Variants in AOAH observed in about 807,000 individuals in gnomAD.
The protein encoded by AOAH is acyloxyacyl hydrolase.
Under a neutral mutation model 92.2 loss-of-function variants are expected in AOAH, and 64 were observed. The observed-to-expected ratio is 0.69, with a 90% CI of 0.57 to 0.86. AOAH has a LOEUF of 0.86. Ranked by LOEUF, AOAH falls within the 40% of genes least tolerant of loss-of-function variation. The pLI is 0.00. For missense variants in AOAH, 656 were observed against 694.6 expected, an observed-to-expected ratio of 0.94 and a Z score of 0.62; for synonymous variants, 263 against 254.5, an observed-to-expected ratio of 1.03 and a Z score of -0.32.
At chr7:36,563,511 G>A (rs368795991) in intron 13 of AOAH, among the ~76,000 whole-genome samples, 42 of 152,268 alleles carry the variant, frequency 2.8e-4, no homozygotes, top group African/African-American at 1.0e-3. Context: ...AATTTCCAGA[G>A]TGCTCCAGCT....
At chr7:36,548,008 T>TA (rs957609129) in intron 15 of AOAH, among the ~76,000 whole-genome samples, 40 of 152,182 alleles carry the variant, frequency 2.6e-4, no homozygotes, top group Middle Eastern at 3.4e-3. Flanking sequence ...CTTATTTTAT[T>TA]AAAAAAAATC....
At chr7:36,524,658 AG>A (rs1425095314) in intron 19 of AOAH, among the ~76,000 whole-genome samples, 1 of 152,046 alleles carries the variant, frequency 6.6e-6, no homozygotes, top group Non-Finnish European at 1.5e-5. Context: ...CCCGGGAGAC[AG>A]TGTGAGACTC....
intron 12 of AOAH, among the ~76,000 whole-genome samples, chr7:36,592,905 A>G (rs780153290): frequency 8.5e-5 from 13 of 152,170 alleles, no homozygotes; most frequent in Admixed American, 6.5e-5. Flanking sequence ...TTGAAAAGGT[A>G]TAACTACACT....
intron 3 of AOAH, among the ~76,000 whole-genome samples, chr7:36,667,917 C>T (rs1365736925): frequency 6.6e-6 from 1 of 152,148 alleles, no homozygotes; most frequent in African/African-American, 2.4e-5. Context: ...TCTCTATCTC[C>T]TTTTAATCTA....
At position 36,623,162 on chromosome 7, in the gene AOAH, A is replaced by G. The variant is rs149068165; in HGVS notation, c.582+28T>C. On this transcript the variant is annotated intron_variant, in intron 7 of 20. Transcript: ENST00000617537. ...GTAGGAAGCAATGTGATGTTAGTGA[A>G]CATCTGGTTATTCCTAACAATACTT... 694 of 1,586,162 alleles carry G rather than the reference A, an allele frequency of 4.4e-4. 2 individuals carry two copies. In the African/African-American group the frequency reaches 8.1e-3, roughly 19 times the overall value.
At chr7:36,722,723 A>G (rs1243776785) in intron 1 of AOAH, among the ~76,000 whole-genome samples, 1 of 151,946 alleles carries the variant, frequency 6.6e-6, no homozygotes, top group East Asian at 1.9e-4. Context: ...TCACGAGGTC[A>G]GGAGTTCGAG....
intron 19 of AOAH, among the ~76,000 whole-genome samples, chr7:36,524,794 C>T (rs1051249092): frequency 7.3e-5 from 11 of 151,542 alleles, no homozygotes; most frequent in African/African-American, 2.4e-4. Flanking sequence ...GTCGGCAACA[C>T]GGAAGGGGAC....
At chr7:36,554,125 T>A (rs1345638376) in intron 13 of AOAH, among the ~76,000 whole-genome samples, 1 of 152,250 alleles carries the variant, frequency 6.6e-6, no homozygotes, top group African/African-American at 2.4e-5. Flanking sequence ...AGGTCTAATG[T>A]TTAAGTCTTT....
At chr7:36,641,474 G>A (rs767198518) in intron 4 of AOAH, among the ~76,000 whole-genome samples, 2 of 152,044 alleles carry the variant, frequency 1.3e-5, no homozygotes, top group Non-Finnish European at 2.9e-5. Flanking sequence ...TTGAGCCCAG[G>A]GCATGTAGGC....
intron 1 of AOAH, among the ~76,000 whole-genome samples, chr7:36,707,259 G>C (rs1018041373): frequency 7.2e-5 from 11 of 152,002 alleles, no homozygotes; most frequent in African/African-American, 2.4e-4. Flanking sequence ...GCAATGGAGA[G>C]GGGGAGAGAT....
At chr7:36,587,289 A>AAAAGAAAG in intron 12 of AOAH, among the ~76,000 whole-genome samples, 1 of 149,434 alleles carries the variant, frequency 6.7e-6, no homozygotes, top group South Asian at 2.1e-4. Context: ...AAAAAAAAAA[A>AAAAGAAAG]AAAGAAAGAA....
At chr7:36,537,004 T>C (rs1381612279) in intron 16 of AOAH, among the ~76,000 whole-genome samples, 2 of 123,630 alleles carry the variant, frequency 1.6e-5, no homozygotes, top group African/African-American at 3.0e-5. Flanking sequence ...TGCAGCCCCC[T>C]CTTGAAGTCT....
At chr7:36,555,777 G>A (rs1357143542) in intron 13 of AOAH, among the ~76,000 whole-genome samples, 2 of 152,184 alleles carry the variant, frequency 1.3e-5, no homozygotes, top group Non-Finnish European at 2.9e-5. Context: ...TTGCGTAGAG[G>A]TGTTTGTAGT....
chr7:36,724,230 A>C lies in AOAH; in HGVS notation c.-82T>G. On this transcript the variant is annotated 5_prime_UTR_variant, in exon 1 of 21. Transcript: ENST00000617537. ...TGCTGGAGCTGAGGCTGCAGAATCAATTGATCTCTCTCTCCTTCTCTTCCT... is the reference window on the plus strand; with the variant it reads ...TGCTGGAGCTGAGGCTGCAGAATCACTTGATCTCTCTCTCCTTCTCTTCCT... The C allele has an allele frequency of 6.5e-7, 1 of 1,539,000 alleles. No homozygotes were observed.
At chr7:36,709,098 C>T (rs1267208674) in intron 1 of AOAH, among the ~76,000 whole-genome samples, 1 of 152,128 alleles carries the variant, frequency 6.6e-6, no homozygotes, top group Non-Finnish European at 1.5e-5. Context: ...TTCCATGATG[C>T]TCTTCTCCAG....
At chr7:36,534,922 CTG>C (rs764547238) in intron 16 of AOAH, among the ~76,000 whole-genome samples, 22 of 149,276 alleles carry the variant, frequency 1.5e-4, no homozygotes, top group Admixed American at 4.0e-4. Context: ...CTCTGTCTGT[CTG>C]TGTTTTTGTG....
Position 36,571,610 on chromosome 7 carries a change from T to C in AOAH, c.1021+4964A>G, listed in dbSNP as rs985254179. ...GAGTCTGTCTGCTGCTGCTCACTTA[T>C]GTCAATCTTAGCTTCCATCACTTCT... On this transcript the variant is annotated intron_variant, in intron 13 of 20. Coordinates refer to ENST00000617537, the MANE Select transcript of AOAH (RefSeq NM_001637.4). 3.3e-5 allele frequency among the ~76,000 whole-genome samples: 5 copies of C among 152,322 alleles called. No homozygotes were observed. The East Asian group carries it at 7.7e-4, about 23-fold the overall frequency.
chr7:36,540,294 A>T, intron 16 of AOAH, 25 bp downstream of exon 16: 1 of 1,584,634 alleles, frequency 6.3e-7, no homozygotes, highest in Non-Finnish European at 8.6e-7. Context: ...GTTATTAAAG[A>T]GTAAAAGAAT....
intron 16 of AOAH, among the ~76,000 whole-genome samples, chr7:36,538,577 C>T (rs541030671): frequency 2.0e-5 from 3 of 152,296 alleles, no homozygotes; most frequent in South Asian, 2.1e-4. Flanking sequence ...GAACAAACTT[C>T]CCTGCCCTCA....
Sources: allele counts gnomAD v4.1 joint callset (sites outside exome capture counted in the v4.1 genomes callset), GRCh38; gene constraint gnomAD v4.1.1; transcripts MANE v1.5; gene names NCBI Gene and HGNC (gene_info 2026-07-23, HGNC 2026-07-21).